Variants in BAG4 observed in about 807,000 individuals in gnomAD.
BAG4 encodes BAG cochaperone 4, also known as BAG family molecular chaperone regulator 4.
A neutral mutation model predicts 52.1 loss-of-function variants in BAG4; 28 were observed. That is an observed-to-expected ratio of 0.54 (90% CI 0.40 to 0.74). The LOEUF is 0.74. BAG4 is among the 30% of genes least tolerant of loss of function. The pLI is 0.00. For missense variants in BAG4, 525 were observed against 572.0 expected, an observed-to-expected ratio of 0.92 and a Z score of 0.84; for synonymous variants, 208 against 217.0, an observed-to-expected ratio of 0.96 and a Z score of 0.37.
In BAG4 at chr8:38,192,681, T is replaced by G; in HGVS notation, c.271-7T>G. The G allele has an allele frequency of 6.3e-7, 1 of 1,594,086 alleles. No homozygotes were observed. The highest frequency in any genetic ancestry group is 8.5e-7 in the Non-Finnish European group (1 of 1,170,850). On this transcript the variant is annotated splice_polypyrimidine_tract_variant and splice_region_variant and intron_variant, in intron 1 of 4. Coordinates refer to ENST00000287322, the MANE Select transcript of BAG4 (RefSeq NM_004874.4). ...TAAGAGTGAATTTATTTTTCTTTTT[T>G]TCTTAGGAGCAGCCACCATATCCTA... is the stretch of plus-strand genomic sequence containing the variant.
At chr8:38,204,671 C>A (rs1311330921) in intron 2 of BAG4, among the ~76,000 whole-genome samples, 18 of 151,082 alleles carry the variant, frequency 1.2e-4, no homozygotes, top group African/African-American at 2.9e-4. Flanking sequence ...AAAAACAACG[C>A]CTGTGAGAAG....
intron 2 of BAG4, chr8:38,201,860 ATATATATATATATATATATATTTTTTTT>A (rs1803673090): frequency 2.2e-4 from 2 of 9,080 alleles, no homozygotes; most frequent in Non-Finnish European, 5.3e-4. Flanking sequence ...ATATATATAT[ATATATATATATATATATATATTTTTTTT>A]TTTTTTTTTT....
At position 38,207,556 on chromosome 8, in the gene BAG4, C is replaced by T. The variant is rs768182577; in HGVS notation, c.423C>T (p.Pro141=). ...YTNGAYGPTY[P]PGPGANTASY... ...ATGGAGCGTATGGTCCAACATACCC[C>T]CCAGGCCCTGGGGCAAATACTGCCT... The change falls in exon 3 of 5, where the codon CCC becomes CCT. Residue 141 remains proline, a synonymous_variant. Coordinates refer to ENST00000287322, the MANE Select transcript of BAG4 (RefSeq NM_004874.4). The T allele has an allele frequency of 6.2e-7, 1 of 1,613,782 alleles. No homozygotes were observed. Among genetic ancestry groups the T allele is most frequent in the African/African-American group, 1.3e-5 (1 of 74,892 alleles).
intron 1 of BAG4, among the ~76,000 whole-genome samples, chr8:38,187,530 C>T (rs1478764034): frequency 6.6e-6 from 1 of 152,080 alleles, no homozygotes; most frequent in African/African-American, 2.4e-5. Flanking sequence ...CTCTTTTCTT[C>T]TCAGATTCTT....
Position 38,210,141 on chromosome 8 carries a change from A to G in BAG4, c.1022A>G (p.Tyr341Cys). The G allele has an allele frequency of 6.2e-7, 1 of 1,614,182 alleles. No homozygotes were observed. The highest frequency in any genetic ancestry group is 8.5e-7 in the Non-Finnish European group (1 of 1,180,044). ...GATCTTTTGGATTCCCAAGTCCAGT[A>G]TAGTGCTGAGCCTCAGCTGTATGGT... ...DSDLLDSQVQYSAEPQLYGNA... is the reference protein window; with the variant it reads ...DSDLLDSQVQCSAEPQLYGNA... The change falls in exon 5 of 5, where the codon TAT becomes TGT. Residue 341 changes from tyrosine (Y) to cysteine (C), a missense_variant. By Grantham distance (194) the Tyr-to-Cys change is radical. This residue lies in a region of BAG4 where 238 missense variants were observed against 305.8 expected (regional missense o/e 0.78). Coordinates refer to ENST00000287322, the MANE Select transcript of BAG4 (RefSeq NM_004874.4).
rs1803775348 is a variant in BAG4, at chr8:38,206,803, C to T, written c.379-709C>T. 2.6e-5 allele frequency among the ~76,000 whole-genome samples: 4 copies of T among 152,080 alleles called. No individual in the cohort carries two copies. The South Asian group carries it at 8.3e-4, about 32-fold the overall frequency. On this transcript the variant is annotated intron_variant, in intron 2 of 4. Coordinates refer to ENST00000287322, the MANE Select transcript of BAG4 (RefSeq NM_004874.4). ...TTTTGTTTTCTTATACTTTCTGAGA[C>T]AGAGTCTCACTCTGTTGCCCAGGCT...
chr8:38,197,392 C>T (rs1803579564), intron 2 of BAG4, among the ~76,000 whole-genome samples: 1 of 152,168 alleles, frequency 6.6e-6, no homozygotes, highest in African/African-American at 2.4e-5. Context: ...GCAATTGTAA[C>T]ACCATGGTTA....
intron 2 of BAG4, chr8:38,201,856 ATATATATATATATATATATATATAT>A (rs1803671605): frequency 2.0e-4 from 5 of 25,102 alleles, no homozygotes; most frequent in African/African-American, 1.1e-3. Context: ...ATATATATAT[ATATATATATATATATATATATATAT>A]TTTTTTTTTT....
intron 1 of BAG4, 93 bp downstream of exon 1, chr8:38,177,232 T>C (rs1265787673): frequency 2.0e-6 from 3 of 1,513,040 alleles, no homozygotes; most frequent in East Asian, 2.3e-5. Flanking sequence ...TTTCCTTATG[T>C]GGAGGAGGGT....
At chr8:38,208,124 G>A (rs867320739) in intron 3 of BAG4, among the ~76,000 whole-genome samples, 3 of 146,170 alleles carry the variant, frequency 2.1e-5, no homozygotes, top group Admixed American at 1.4e-4. Context: ...TTACAAGCAC[G>A]CGCCATCACG....
At chr8:38,198,991 G>A (rs968324825) in intron 2 of BAG4, among the ~76,000 whole-genome samples, 4 of 152,054 alleles carry the variant, frequency 2.6e-5, no homozygotes, top group African/African-American at 9.7e-5. Flanking sequence ...GCTGTTTTCC[G>A]GTTAACCTTT....
chr8:38,189,372 A>G (rs1803430267), intron 1 of BAG4, among the ~76,000 whole-genome samples: 1 of 152,190 alleles, frequency 6.6e-6, no homozygotes, highest in Non-Finnish European at 1.5e-5. Flanking sequence ...TTGTCCTTAG[A>G]GAATAAATTC....
intron 2 of BAG4, among the ~76,000 whole-genome samples, chr8:38,199,110 G>C (rs187565701): frequency 6.6e-6 from 1 of 152,344 alleles, no homozygotes; most frequent in Non-Finnish European, 1.5e-5. Context: ...CAAGTATTAT[G>C]TATTACATAT....
intron 1 of BAG4, among the ~76,000 whole-genome samples, chr8:38,181,692 A>G (rs1458027217): frequency 6.6e-6 from 1 of 151,472 alleles, no homozygotes; most frequent in Non-Finnish European, 1.5e-5. Flanking sequence ...AGCCGAGATC[A>G]CACCACTGCA....
chr8:38,178,099 C>T (rs780167589), intron 1 of BAG4, among the ~76,000 whole-genome samples: 16 of 151,962 alleles, frequency 1.1e-4, no homozygotes, highest in Non-Finnish European at 1.9e-4. Flanking sequence ...AAAGCTTGTC[C>T]GCCCATGTTC....
At chr8:38,196,508 C>T (rs1334130041) in intron 2 of BAG4, among the ~76,000 whole-genome samples, 1 of 151,898 alleles carries the variant, frequency 6.6e-6, no homozygotes, top group Non-Finnish European at 1.5e-5. Flanking sequence ...AAAAAATTAG[C>T]CGGGCGTGGT....
intron 1 of BAG4, among the ~76,000 whole-genome samples, chr8:38,188,650 TACATATATACATGTATAC>T (rs1803412711): frequency 4.4e-3 from 3 of 686 alleles, no homozygotes; most frequent in African/African-American, 0.014. Flanking sequence ...TATACATGTA[TACATATATACATGTATAC>T]ATATACATGT....
chr8:38,200,574 TA>T (rs1273907014), intron 2 of BAG4, among the ~76,000 whole-genome samples: 1 of 152,164 alleles, frequency 6.6e-6, no homozygotes, highest in East Asian at 1.9e-4. Flanking sequence ...TCAACTTATG[TA>T]AAAAAGGCAG....
At chr8:38,206,534 A>G (rs1163284101) in intron 2 of BAG4, among the ~76,000 whole-genome samples, 3 of 152,138 alleles carry the variant, frequency 2.0e-5, no homozygotes, top group African/African-American at 4.8e-5. Flanking sequence ...GGTTCATGTC[A>G]TGACCCAGCC....
Sources: allele counts gnomAD v4.1 joint callset (sites outside exome capture counted in the v4.1 genomes callset), GRCh38; gene constraint gnomAD v4.1.1; regional missense constraint gnomAD v4.1.1; transcripts MANE v1.5; gene names NCBI Gene and HGNC (gene_info 2026-07-23, HGNC 2026-07-21).